ZNF449: variants seen among roughly 807,000 people sequenced by gnomAD.
ZNF449 encodes the protein zinc finger and SCAN domain-containing protein 19.
Under a neutral mutation model 32.6 loss-of-function variants are expected in ZNF449, and 4 were observed. The ratio of observed to expected loss-of-function variants is 0.12; its 90% CI spans 0.06 to 0.28. The LOEUF (loss-of-function observed/expected upper bound fraction) is 0.28. ZNF449 is among the 10% of genes least tolerant of loss of function. The probability of loss-of-function intolerance (pLI) is 1.00; values close to 1 mark genes in which losing one functional copy is unlikely to be tolerated. For synonymous variants in ZNF449, 123 were observed against 132.2 expected (o/e 0.93, Z 0.48); for missense variants, 275 against 383.2 (o/e 0.72, Z 2.36).
At position 135,360,836 on chromosome X, in the gene ZNF449, T is replaced by C; in HGVS notation, c.1317T>C (p.Asn439=). ...GTGAAAAACCTCATAGATGTCATAA[T>C]TGTGGGAAAAGTTTTAGTCGACTGA... ...HTGEKPHRCH[N]CGKSFSRLTA... is the part of the protein sequence containing the mutation. Residue 439 remains asparagine (N), a synonymous_variant, in exon 5 of 5, where the codon AAT becomes AAC. Coordinates refer to ENST00000339249, the MANE Select transcript of ZNF449 (RefSeq NM_152695.6). The C allele has an allele frequency of 8.3e-7, 1 of 1,211,195 alleles. No individual in the cohort carries two copies. The highest frequency in any genetic ancestry group is 1.1e-6 in the Non-Finnish European group (1 of 895,240).
chrX:135,347,009 C>T lies in ZNF449; in HGVS notation c.-100-10C>T. 2 of 735,398 alleles carry T rather than the reference C, an allele frequency of 2.7e-6. No individual in the cohort carries two copies. The highest frequency in any genetic ancestry group is 3.9e-6 in the Non-Finnish European group (2 of 511,994). 60.6% of individuals were successfully genotyped at this position (735,398 alleles called of 1,213,427 possible). On this transcript the variant is annotated splice_polypyrimidine_tract_variant and intron_variant, in intron 1 of 4. Transcript: ENST00000339249. ...CCTGTTTCTCCTTTCTCATTTTTTT[C>T]TGTCCTTAGCTGTAGGTGGCTCCCT... is the stretch of plus-strand genomic sequence containing the variant.
At chrX:135,347,676 G>A in intron 2 of ZNF449, 1 of 1,083,865 alleles carries the variant, frequency 9.2e-7, no homozygotes, top group Non-Finnish European at 1.2e-6. Context: ...ATAACAAATA[G>A]TTTATAATGT....
intron 3 of ZNF449, among the ~76,000 whole-genome samples, chrX:135,356,154 A>G (rs1319603091): frequency 8.9e-6 from 1 of 111,746 alleles, no homozygotes; most frequent in Non-Finnish European, 1.9e-5. Flanking sequence ...GTATTTATGT[A>G]TGTTTTCATT....
At position 135,348,645 on chromosome X, in the gene ZNF449, C is replaced by T. The variant is rs569282027; in HGVS notation, c.355-465C>T. 12 of 765,226 alleles carry T rather than the reference C, an allele frequency of 1.6e-5. No homozygotes were observed. The South Asian group carries it at 3.4e-4, about 22-fold the overall frequency. 63.1% of individuals were successfully genotyped at this position (765,226 alleles called of 1,213,427 possible). ...AGCTTCAGGGCTCCTGAACAGGAGT[C>T]TTCTGAAGTTTTCTGTCTCCCTAGG... is the stretch of plus-strand genomic sequence containing the variant. On this transcript the variant is annotated intron_variant, in intron 2 of 4. Transcript: ENST00000339249.
rs1272718693 is a variant in ZNF449 at position 135,355,723 on chromosome X, C to G, written c.560-4169C>G. Reference sequence around the variant, plus strand: ...GCGTTATTGAAATATAATTCACATACCATACATTGTCACCCCTTTGAAGTG... The same window carrying G: ...GCGTTATTGAAATATAATTCACATAGCATACATTGTCACCCCTTTGAAGTG... On this transcript the variant is annotated intron_variant, in intron 3 of 4. Transcript: ENST00000339249. 4.5e-5 allele frequency among the ~76,000 whole-genome samples: 5 copies of G among 111,308 alleles called. No individual in the cohort carries two copies. The Admixed American group carries it at 4.8e-4, about 11-fold the overall frequency.
At chrX:135,354,921 T>C (rs2084908715) in intron 3 of ZNF449, among the ~76,000 whole-genome samples, 1 of 111,555 alleles carries the variant, frequency 9.0e-6, no homozygotes, top group African/African-American at 3.3e-5. Flanking sequence ...GGGCCTGGTT[T>C]TGAAGTGATA....
rs1438596874 is a variant in ZNF449, at chrX:135,360,595, G to C, written c.1076G>C (p.Arg359Thr). 8.3e-7 allele frequency: 1 copy of C among 1,210,135 alleles called. No individual in the cohort carries two copies. The highest frequency in any genetic ancestry group is 1.7e-5 in the African/African-American group (1 of 57,208). ...CACAAATGCCCTGAATGTGGGAAAA[G>C]ATTCCTTCGTAGTTCAGACCTTTAT... is the stretch of plus-strand genomic sequence containing the variant. ...EPHKCPECGK[R>T]FLRSSDLYRH... Residue 359 changes from arginine to threonine, a missense_variant, in exon 5 of 5, where the codon AGA becomes ACA. This residue lies in a region of ZNF449 where 80 missense variants were observed against 146.6 expected (regional missense o/e 0.55). Transcript: ENST00000339249.
chrX:135,347,453 T>C lies in ZNF449; in HGVS notation c.335T>C (p.Leu112Pro), dbSNP rs1556448723. The change falls in exon 2 of 5, where the codon CTT (leucine) becomes CCT (proline). Residue 112 changes from leucine (L) to proline (P), a missense_variant. Coordinates refer to ENST00000339249, the MANE Select transcript of ZNF449 (RefSeq NM_152695.6). ...VSLIEDLQRE[L>P]EIPEQQVDMH... Reference sequence around the variant, plus strand: ...CTGATAGAAGACTTACAGAGAGAACTTGAGATACCAGAGCAGCAGGTAAGA... The same window carrying C: ...CTGATAGAAGACTTACAGAGAGAACCTGAGATACCAGAGCAGCAGGTAAGA... 1 of 1,211,710 alleles carries C rather than the reference T, an allele frequency of 8.3e-7. No individual in the cohort carries two copies. Among genetic ancestry groups the C allele is most frequent in the African/African-American group, 1.7e-5 (1 of 57,751 alleles).
Position 135,360,206 on chromosome X carries a change from G to C in ZNF449, c.687G>C (p.Gly229=), listed in dbSNP as rs782658285. 8.5e-7 allele frequency: 1 copy of C among 1,181,014 alleles called. No individual in the cohort carries two copies. Among genetic ancestry groups the C allele is most frequent in the South Asian group, 1.9e-5 (1 of 51,688 alleles). Residue 229 remains glycine, a synonymous_variant, in exon 5 of 5, where the codon GGG becomes GGC. Transcript: ENST00000339249. The stretch of plus-strand genomic sequence containing the variant: ...TTCTTCTCTCAGGTTTTGAGATCGG[G>C]ATAGAAAATGAAGAAGATACTTCAA... ...LLDSKIGFEI[G]IENEEDTSKQ...
chrX:135,349,754 T>G (rs1556449788), intron 3 of ZNF449, among the ~76,000 whole-genome samples: 5 of 112,254 alleles, frequency 4.5e-5, no homozygotes. Context: ...AAAGGAAATA[T>G]CTACCTCATT....
At chrX:135,356,266 T>C (rs2084917210) in intron 3 of ZNF449, among the ~76,000 whole-genome samples, 1 of 111,861 alleles carries the variant, frequency 8.9e-6, no homozygotes, top group Non-Finnish European at 1.9e-5. Context: ...CTGATTGCAC[T>C]CTTTTACATT....
In ZNF449 at chrX:135,347,364, G is replaced by A. The variant is rs1556448673; in HGVS notation, c.246G>A (p.Leu82=). The change falls in exon 2 of 5, where the codon CTG becomes CTA. Residue 82 remains leucine (L), a synonymous_variant. Transcript: ENST00000339249. ...LLVLEQFLTI[L]PTEIETWVRE... is the part of the protein sequence containing the mutation. ...TGTTGGAGCAATTCCTAACTATCCTGCCCACAGAGATAGAGACCTGGGTGA... is the reference window on the plus strand; with the variant it reads ...TGTTGGAGCAATTCCTAACTATCCTACCCACAGAGATAGAGACCTGGGTGA... 1.7e-6 allele frequency: 2 copies of A among 1,212,073 alleles called. No homozygotes were observed. Among genetic ancestry groups the A allele is most frequent in the South Asian group, 3.5e-5 (2 of 56,993 alleles).
chrX:135,358,421 T>C (rs1556452554), intron 3 of ZNF449, among the ~76,000 whole-genome samples: 1 of 111,921 alleles, frequency 8.9e-6, no homozygotes, highest in East Asian at 2.8e-4. Flanking sequence ...TTGTTTATCA[T>C]TTCTGGTTTT....
At chrX:135,346,884 A>G in intron 1 of ZNF449, 135 bp from the exon 2 acceptor site, 1 of 307,075 alleles carries the variant, frequency 3.3e-6, no homozygotes, top group Non-Finnish European at 5.7e-6. Flanking sequence ...AACCAAGAGA[A>G]AAATAAAGAA....
Position 135,360,769 on chromosome X carries a change from G to C in ZNF449, c.1250G>C (p.Cys417Ser). 8.3e-7 allele frequency: 1 copy of C among 1,211,490 alleles called. No individual in the cohort carries two copies. The highest frequency in any genetic ancestry group is 1.1e-6 in the Non-Finnish European group (1 of 895,377). ...TGTCTTGAGTGTGGGAAAAGTTTTT[G>C]TCATGGATCAAGTCTTAAAAGACAT... Reference protein sequence around the residue: ...YKCLECGKSFCHGSSLKRHLK... With the variant: ...YKCLECGKSFSHGSSLKRHLK... Residue 417 changes from cysteine (C) to serine (S), a missense_variant, in exon 5 of 5, where the codon TGT becomes TCT. By Grantham distance (112) the Cys-to-Ser change is moderately radical. Transcript: ENST00000339249.
chrX:135,354,073 T>C (rs979935172), intron 3 of ZNF449, among the ~76,000 whole-genome samples: 2 of 112,362 alleles, frequency 1.8e-5, no homozygotes, highest in African/African-American at 6.5e-5. Flanking sequence ...AATACTTATA[T>C]ATGCGGGTAT....
chrX:135,356,294 A>C (rs1359742693), intron 3 of ZNF449, among the ~76,000 whole-genome samples: 1 of 111,667 alleles, frequency 9.0e-6, no homozygotes, highest in Non-Finnish European at 1.9e-5. Context: ...GCAGTGTACA[A>C]GCACTCTTAT....
chrX:135,355,888 A>G (rs782218392), intron 3 of ZNF449, among the ~76,000 whole-genome samples: 3 of 111,806 alleles, frequency 2.7e-5, no homozygotes, highest in South Asian at 3.7e-4. Flanking sequence ...AGATTTGCCA[A>G]TTCTGGATAT....
intron 3 of ZNF449, 63 bp downstream of exon 3, chrX:135,349,377 G>A: frequency 9.3e-7 from 1 of 1,076,777 alleles, no homozygotes; most frequent in Non-Finnish European, 1.3e-6. Context: ...ACTCTCAAGG[G>A]TTGGGGTTGG....
Sources: allele counts gnomAD v4.1 joint callset (sites outside exome capture counted in the v4.1 genomes callset), GRCh38; gene constraint gnomAD v4.1.1; regional missense constraint gnomAD v4.1.1; transcripts MANE v1.5; gene names NCBI Gene and HGNC (gene_info 2026-07-23, HGNC 2026-07-21).